The following BAZ1B variants were observed in gnomAD, a reference collection of about 807,000 sequenced individuals.
BAZ1B encodes the protein bromodomain adjacent to zinc finger domain 1B, also known as tyrosine-protein kinase BAZ1B.
A neutral mutation model predicts 153.8 loss-of-function variants in BAZ1B; 22 were observed. The observed-to-expected ratio is 0.14, with a 90% CI of 0.10 to 0.20. The LOEUF (loss-of-function observed/expected upper bound fraction) is 0.20. Ranked by LOEUF, BAZ1B falls within the 10% of genes least tolerant of loss-of-function variation. BAZ1B has a pLI of 1.00. For missense variants in BAZ1B, 1,325 were observed against 1,799.3 expected, an observed-to-expected ratio of 0.74 and a Z score of 4.77; for synonymous variants, 676 against 633.4, an observed-to-expected ratio of 1.07 and a Z score of -1.01.
chr7:73,471,518 T>A (rs1329351217), intron 7 of BAZ1B, among the ~76,000 whole-genome samples: 1 of 152,196 alleles, frequency 6.6e-6, no homozygotes, highest in East Asian at 1.9e-4. Flanking sequence ...TTAAGAAGTG[T>A]TTATTATTTT....
chr7:73,494,068 C>T (rs782002779), intron 4 of BAZ1B, among the ~76,000 whole-genome samples: 7 of 151,912 alleles, frequency 4.6e-5, no homozygotes, highest in African/African-American at 1.2e-4. Context: ...TAACTAACTA[C>T]GGTGCATTTT....
rs1787621516 is a variant in BAZ1B, at chr7:73,441,639, G to GT, written c.*69dup. 6.5e-6 allele frequency: 1 copy of GT among 153,066 alleles called. No individual in the cohort carries two copies. 9.5% of individuals were successfully genotyped at this position (153,066 alleles called of 1,614,324 possible). A position where few individuals can be genotyped will look rare whatever the true frequency, so the allele number is the denominator to read the frequency against. ...AAGATCAACTCAAAAGACCACAACTGTTTCATGATGCTGGTGAATACACAA... is the reference window on the plus strand; with the variant it reads ...AAGATCAACTCAAAAGACCACAACTGTTTTCATGATGCTGGTGAATACACAA... On this transcript the variant is annotated 3_prime_UTR_variant, in exon 20 of 20. Transcript: ENST00000339594.
chr7:73,463,102 A>G lies in BAZ1B; in HGVS notation c.3072-3T>C, dbSNP rs1788453457. The G allele has an allele frequency of 1.2e-6, 2 of 1,600,942 alleles. No homozygotes were observed. Among genetic ancestry groups the G allele is most frequent in the Non-Finnish European group, 1.7e-6 (2 of 1,174,730 alleles). On this transcript the variant is annotated splice_polypyrimidine_tract_variant and splice_region_variant and intron_variant, in intron 11 of 19. Transcript: ENST00000339594. Reference sequence around the variant, plus strand: ...TAGAGTGAATAATGTCCTGGTACCTAGAAGATTTGGGACAAGAGAATGGGG... The same window carrying G: ...TAGAGTGAATAATGTCCTGGTACCTGGAAGATTTGGGACAAGAGAATGGGG...
At chr7:73,496,182 T>C (rs1789880524) in intron 4 of BAZ1B, among the ~76,000 whole-genome samples, 1 of 152,112 alleles carries the variant, frequency 6.6e-6, no homozygotes, top group African/African-American at 2.4e-5. Context: ...GAGAGAATAT[T>C]CCTAACCAAA....
At chr7:73,510,704 T>C (rs200989395) in intron 2 of BAZ1B, 32 bp downstream of exon 2, 325 of 1,573,042 alleles carry the variant, frequency 2.1e-4, no homozygotes, top group Non-Finnish European at 2.8e-4. Flanking sequence ...AATGTGAAGA[T>C]GGTGGCAAAG....
In BAZ1B at chr7:73,478,308, G is replaced by C; in HGVS notation, c.1153C>G (p.Pro385Ala). 6.2e-7 allele frequency: 1 copy of C among 1,614,080 alleles called. No individual in the cohort carries two copies. Among genetic ancestry groups the C allele is most frequent in the Non-Finnish European group, 8.5e-7 (1 of 1,180,020 alleles). ...TTCTTGGCAGGTGGGCCTTTTTTAG[G>C]AATGTGAAAGTTAGTGTGCAGCTTA... is the stretch of plus-strand genomic sequence containing the variant. Reference protein sequence around the residue: ...PNKLHTNFHIPKKGPPAKKPG... With the variant: ...PNKLHTNFHIAKKGPPAKKPG... Residue 385 changes from proline (P) to alanine (A), a missense_variant, in exon 7 of 20, where the codon CCT becomes GCT. Coordinates refer to ENST00000339594, the MANE Select transcript of BAZ1B (RefSeq NM_032408.4).
At chr7:73,518,082 T>C (rs914090917) in intron 1 of BAZ1B, among the ~76,000 whole-genome samples, 1 of 152,120 alleles carries the variant, frequency 6.6e-6, no homozygotes, top group Non-Finnish European at 1.5e-5. Context: ...AAGTCTAATA[T>C]GGCATAACGT....
At position 73,491,986 on chromosome 7, in the gene BAZ1B, CTTT is replaced by C. The variant is rs782649883; in HGVS notation, c.693+811_693+813del. ...AATCTTAGTTCCAATCAGCAAAACG[CTTT>C]TTTTTTTTTTTTTTTTTTTGAGACG... On this transcript the variant is annotated intron_variant, in intron 5 of 19. Transcript: ENST00000339594. 4.3e-5 allele frequency among the ~76,000 whole-genome samples: 5 copies of C among 117,254 alleles called. No homozygotes were observed. In the South Asian group the frequency reaches 8.1e-4, roughly 19 times the overall value. 76.9% of individuals were successfully genotyped at this position (117,254 alleles called of 152,430 possible).
intron 15 of BAZ1B, among the ~76,000 whole-genome samples, chr7:73,448,226 C>A (rs553218182): frequency 6.6e-6 from 1 of 152,274 alleles, no homozygotes; most frequent in South Asian, 2.1e-4. Flanking sequence ...ATCGCTTGAA[C>A]CTGGGAGGTG....
chr7:73,501,203 C>T (rs1036156666), intron 3 of BAZ1B, among the ~76,000 whole-genome samples: 24 of 152,076 alleles, frequency 1.6e-4, no homozygotes, highest in African/African-American at 5.1e-4. Flanking sequence ...TTGCGGTGAG[C>T]CAAGATCACG....
At chr7:73,508,207 T>C in intron 3 of BAZ1B, 120 bp downstream of exon 3, 1 of 1,128,954 alleles carries the variant, frequency 8.9e-7, no homozygotes, top group Non-Finnish European at 1.2e-6. Context: ...TATTAATACT[T>C]AACATTAAAT....
At position 73,454,133 on chromosome 7, in the gene BAZ1B, T is replaced by TATAAATAAATAAATAA. The variant is rs71300785; in HGVS notation, c.3433-3155_3433-3140dup. ...GGGCAATGTAGGGAAACCCCTTCTC[T>TATAAATAAATAAATAA]ATAAATAAATAAATAAATAAATAAA... On this transcript the variant is annotated intron_variant, in intron 13 of 19. Transcript: ENST00000339594. Among the ~76,000 whole-genome samples the TATAAATAAATAAATAA allele has an allele frequency of 5.3e-3, 777 of 146,862 alleles. 12 individuals are homozygous for TATAAATAAATAAATAA. Among genetic ancestry groups the TATAAATAAATAAATAA allele is most frequent in the African/African-American group, 0.013 (529 of 39,526 alleles).
Position 73,442,846 on chromosome 7 carries a change from A to G in BAZ1B, c.3991-18T>C, listed in dbSNP as rs1043005763. The G allele has an allele frequency of 2.5e-6, 4 of 1,588,632 alleles. No homozygotes were observed. Among genetic ancestry groups the G allele is most frequent in the Non-Finnish European group, 3.5e-6 (4 of 1,157,774 alleles). ...TGAAGCACCTGGCAGGAAAGAAAGA[A>G]CAATGTTATTACAGATTCAAGACAG... is the stretch of plus-strand genomic sequence containing the variant. On this transcript the variant is annotated intron_variant, in intron 17 of 19. Transcript: ENST00000339594.
intron 11 of BAZ1B, among the ~76,000 whole-genome samples, chr7:73,464,478 T>C (rs1788506128): frequency 1.3e-5 from 2 of 152,296 alleles, no homozygotes; most frequent in Admixed American, 1.3e-4. Context: ...CTGTTAGCAA[T>C]CATCACTCCT....
At chr7:73,452,997 C>T (rs566980323) in intron 13 of BAZ1B, among the ~76,000 whole-genome samples, 6 of 152,182 alleles carry the variant, frequency 3.9e-5, no homozygotes, top group African/African-American at 1.4e-4. Flanking sequence ...CATTAAAAAC[C>T]GAAATCAACC....
At chr7:73,459,865 G>A in intron 12 of BAZ1B, 147 bp from the exon 13 acceptor site, 1 of 709,228 alleles carries the variant, frequency 1.4e-6, no homozygotes, top group East Asian at 2.7e-5. Context: ...TAATTTAACT[G>A]TGCTCCTCAG....
Position 73,477,127 on chromosome 7 carries a change from C to T in BAZ1B, c.2334G>A (p.Lys778=). The part of the protein sequence containing the change: ...TRQQMSAELW[K]ERLAVLKEEN... ...CTTCCTTCAACACAGCAAGCCGTTC[C>T]TTCCACAACTCTGCAGACATCTGCT... Residue 778 remains lysine (K), a synonymous_variant, in exon 7 of 20, where the codon AAG becomes AAA. Coordinates refer to ENST00000339594, the MANE Select transcript of BAZ1B (RefSeq NM_032408.4). This position sits in a 1 kb window ranked among gnomAD's most constrained non-coding sequence, Gnocchi z 5.6. The T allele has an allele frequency of 6.2e-7, 1 of 1,614,214 alleles. No individual in the cohort carries two copies. The highest frequency in any genetic ancestry group is 8.5e-7 in the Non-Finnish European group (1 of 1,180,038).
Position 73,522,005 on chromosome 7 carries a change from G to A in BAZ1B, c.-72C>T. 6 of 1,146,300 alleles carry A rather than the reference G, an allele frequency of 5.2e-6. No individual in the cohort carries two copies. Among genetic ancestry groups the A allele is most frequent in the Non-Finnish European group, 6.6e-6 (6 of 911,274 alleles). 71.0% of individuals were successfully genotyped at this position (1,146,300 alleles called of 1,614,324 possible). On this transcript the variant is annotated 5_prime_UTR_variant, in exon 1 of 20. Transcript: ENST00000339594. ...GGCGCAGCACTAGGCCCCGCGGCCC[G>A]GAGCGAGCGCCAGGCGCCCGGGGGT...
intron 1 of BAZ1B, among the ~76,000 whole-genome samples, chr7:73,515,408 TA>T (rs1433123136): frequency 1.3e-5 from 2 of 152,118 alleles, no homozygotes; most frequent in Admixed American, 1.3e-4. Flanking sequence ...TGAGCAGATG[TA>T]ATATATGTCA....
Sources: gnomAD v4.1 joint callset for allele counts (sites outside exome capture counted in the v4.1 genomes callset) on GRCh38, gnomAD v4.1.1 for gene constraint, Gnocchi (gnomAD v3.1) non-coding constraint, MANE v1.5 for transcripts, NCBI Gene and HGNC (gene_info 2026-07-23, HGNC 2026-07-21) for gene names.